ALG13: variants seen among roughly 807,000 people sequenced by gnomAD.
The protein encoded by ALG13 is UDP-N-acetylglucosamine transferase subunit ALG13.
Under a neutral mutation model 87.8 loss-of-function variants are expected in ALG13, and 11 were observed. The ratio of observed to expected loss-of-function variants is 0.13; its 90% CI spans 0.08 to 0.21. The LOEUF (loss-of-function observed/expected upper bound fraction) is 0.21, where lower values mean the gene tolerates loss of function less well. ALG13 is among the 10% of genes least tolerant of loss of function. The pLI is 1.00. For synonymous variants in ALG13, 320 were observed against 306.3 expected, an observed-to-expected ratio of 1.04 and a Z score of -0.47; for missense variants, 756 against 866.1, an observed-to-expected ratio of 0.87 and a Z score of 1.60.
intron 23 of ALG13, among the ~76,000 whole-genome samples, chrX:111,738,115 G>T (rs1449681243): frequency 8.9e-6 from 1 of 112,407 alleles, no homozygotes; most frequent in Admixed American, 9.4e-5. Context: ...ATTTCAAAAT[G>T]AGCTAAAGAT....
intron 19 of ALG13, 116 bp from the exon 20 acceptor site, chrX:111,730,279 A>C: frequency 3.4e-6 from 2 of 580,229 alleles, no homozygotes; most frequent in Non-Finnish European, 5.6e-6. Flanking sequence ...TATGCATTTT[A>C]GTTTTGAACA....
intron 8 of ALG13, among the ~76,000 whole-genome samples, chrX:111,716,599 A>G (rs1193475992): frequency 9.1e-6 from 1 of 109,414 alleles, no homozygotes; most frequent in Non-Finnish European, 1.9e-5. Context: ...GAAACTTATA[A>G]CTTAAACTTT....
intron 3 of ALG13, among the ~76,000 whole-genome samples, chrX:111,693,686 C>A (rs1212362300): frequency 8.9e-6 from 1 of 112,012 alleles, no homozygotes; most frequent in East Asian, 2.8e-4. Flanking sequence ...GCCAAAATTA[C>A]TTATTTTGAT....
chrX:111,720,682 A>G (rs1394834334), intron 11 of ALG13, among the ~76,000 whole-genome samples: 3 of 111,742 alleles, frequency 2.7e-5, no homozygotes, highest in Admixed American at 9.5e-5. Flanking sequence ...ATTTTGGAAT[A>G]GTATTGAATA....
chrX:111,690,296 T>G (rs914683788), intron 3 of ALG13: 17 of 753,333 alleles, frequency 2.3e-5, no homozygotes, highest in Non-Finnish European at 2.7e-5. Context: ...GTACTGAAAT[T>G]TTCAGGGATA....
chrX:111,722,712 G>A (rs369924770), intron 12 of ALG13, 81 bp from the exon 13 acceptor site: 4 of 691,668 alleles, frequency 5.8e-6, no homozygotes, highest in East Asian at 3.6e-5. Flanking sequence ...AAGGCACTAC[G>A]GTAAAAGTAA....
rs749474105 is a variant in ALG13, at chrX:111,722,755, A to G, written c.1436-38A>G. 9 of 976,431 alleles carry G rather than the reference A, an allele frequency of 9.2e-6. No individual in the cohort carries two copies. In the East Asian group the frequency reaches 2.9e-4, roughly 31 times the overall value. 80.5% of individuals were successfully genotyped at this position (976,431 alleles called of 1,213,427 possible). On this transcript the variant is annotated intron_variant, in intron 12 of 26. Coordinates refer to ENST00000394780, the MANE Select transcript of ALG13 (RefSeq NM_001099922.3). ...AATTAAATGATATAGGAAAGGAACCAGTTTAGTTGAGCTTGAATCTTCATT... is the reference window on the plus strand; with the variant it reads ...AATTAAATGATATAGGAAAGGAACCGGTTTAGTTGAGCTTGAATCTTCATT...
At chrX:111,689,011 A>G in intron 3 of ALG13, 2 of 737,386 alleles carry the variant, frequency 2.7e-6, no homozygotes, top group Non-Finnish European at 3.2e-6. Flanking sequence ...AACATGCTAA[A>G]TGTTCCAAAC....
intron 24 of ALG13, among the ~76,000 whole-genome samples, chrX:111,751,059 A>T (rs2148458765): frequency 9.5e-6 from 1 of 105,250 alleles, no homozygotes; most frequent in Non-Finnish European, 1.9e-5. Flanking sequence ...ATAGTGTATA[A>T]GCATAACTTT....
intron 3 of ALG13, among the ~76,000 whole-genome samples, chrX:111,703,656 G>A (rs1938280241): frequency 9.0e-6 from 1 of 111,361 alleles, no homozygotes; most frequent in African/African-American, 3.3e-5. Context: ...TTTTTGCTTC[G>A]CATGTTACAT....
At position 111,713,276 on chromosome X, in the gene ALG13, A is replaced by G. The variant is rs760796460; in HGVS notation, c.984A>G (p.Thr328=). 9.3e-6 allele frequency: 11 copies of G among 1,189,145 alleles called. No homozygotes were observed. The highest frequency in any genetic ancestry group is 1.3e-5 in the Non-Finnish European group (11 of 877,585). The change falls in exon 8 of 27, where the codon ACA becomes ACG. Residue 328 remains threonine (T), a synonymous_variant. Coordinates refer to ENST00000394780, the MANE Select transcript of ALG13 (RefSeq NM_001099922.3). ...CTGGAAAACCTCCAACTTATGTCAC[A>G]GATAATGGCTATGAAGACAAGGTAA... The part of the protein sequence containing the change: ...RFPGKPPTYV[T]DNGYEDKILL...
At chrX:111,742,182 ATTC>A (rs1247528817) in intron 23 of ALG13, among the ~76,000 whole-genome samples, 3 of 111,384 alleles carry the variant, frequency 2.7e-5, no homozygotes, top group African/African-American at 9.8e-5. Flanking sequence ...GCTCTTTGTC[ATTC>A]TTGTCAATCC....
At chrX:111,698,179 T>A (rs1038815561) in intron 3 of ALG13, among the ~76,000 whole-genome samples, 1 of 112,019 alleles carries the variant, frequency 8.9e-6, no homozygotes, top group African/African-American at 3.2e-5. Flanking sequence ...TTTTGTTTTT[T>A]AAATTTGAAT....
chrX:111,714,898 T>C (rs190526604), intron 8 of ALG13, among the ~76,000 whole-genome samples: 4 of 112,385 alleles, frequency 3.6e-5, no homozygotes, highest in African/African-American at 6.5e-5. Flanking sequence ...GTGTTAACTT[T>C]TGTATCTAAG....
At chrX:111,719,032 T>C (rs942322796) in intron 10 of ALG13, among the ~76,000 whole-genome samples, 1 of 100,593 alleles carries the variant, frequency 9.9e-6, no homozygotes, top group Non-Finnish European at 2.0e-5. Flanking sequence ...TTTCTTTTTT[T>C]TTTTTTTTTT....
chrX:111,707,321 C>A (rs760287221), intron 3 of ALG13, among the ~76,000 whole-genome samples: 1 of 112,357 alleles, frequency 8.9e-6, no homozygotes, highest in South Asian at 3.7e-4. Flanking sequence ...TTTAAAGAAA[C>A]ACACTTTTTT....
At position 111,713,312 on chromosome X, in the gene ALG13, G is replaced by A. The variant is rs751530957; in HGVS notation, c.1005+15G>A. The A allele has an allele frequency of 7.3e-6, 8 of 1,088,650 alleles. No individual in the cohort carries two copies. Among genetic ancestry groups the A allele is most frequent in the Non-Finnish European group, 1.0e-5 (8 of 792,113 alleles). The allele number at this position is 1,088,650 out of a possible 1,213,427, so 89.7% of individuals were successfully genotyped here. ...ATGAAGACAAGGTAAGAAGATGAGT[G>A]AATGTTGACTTATATAAAAGAAGTT... is the stretch of plus-strand genomic sequence containing the variant. On this transcript the variant is annotated intron_variant, in intron 8 of 26. Transcript: ENST00000394780.
intron 21 of ALG13, among the ~76,000 whole-genome samples, chrX:111,733,260 CA>C (rs1942897478): frequency 9.0e-6 from 1 of 111,188 alleles, no homozygotes; most frequent in South Asian, 3.8e-4. Context: ...CCACTGTAAG[CA>C]ATGTATAGTC....
intron 23 of ALG13, among the ~76,000 whole-genome samples, chrX:111,742,732 T>TTGGCCC (rs1943870303): frequency 8.9e-6 from 1 of 112,620 alleles, no homozygotes; most frequent in Non-Finnish European, 1.9e-5. Flanking sequence ...CACCTTGGCC[T>TTGGCCC]TGGCCCTGGT....
Sources: allele counts gnomAD v4.1 joint callset (sites outside exome capture counted in the v4.1 genomes callset), GRCh38; gene constraint gnomAD v4.1.1; transcripts MANE v1.5; gene names NCBI Gene and HGNC (gene_info 2026-07-23, HGNC 2026-07-21).